CCNE1: variants seen among roughly 807,000 people sequenced by gnomAD.
CCNE1 encodes the protein cyclin E1.
In CCNE1, 8 loss-of-function variants were observed where a neutral mutation model predicts 54.1. The ratio of observed to expected loss-of-function variants is 0.15; its 90% CI spans 0.09 to 0.27. The LOEUF is 0.27. CCNE1 is among the 10% of genes least tolerant of loss of function. CCNE1 has a pLI of 1.00. For missense variants in CCNE1, 430 were observed against 514.9 expected (o/e 0.84, Z 1.60); for synonymous variants, 179 against 185.2 (o/e 0.97, Z 0.27).
intron 4 of CCNE1, among the ~76,000 whole-genome samples, chr19:29,813,689 G>T (rs555492131): frequency 7.5e-5 from 11 of 147,510 alleles, no homozygotes; most frequent in South Asian, 4.3e-4. Context: ...ATTTTTTTTT[G>T]ACTGCTTTTC....
chr19:29,818,067 C>T (rs1974068238), intron 6 of CCNE1, among the ~76,000 whole-genome samples: 1 of 146,320 alleles, frequency 6.8e-6, no homozygotes, highest in East Asian at 2.0e-4. Context: ...TGCTCTGTCA[C>T]CCAGGCTAGA....
At chr19:29,818,466 C>T (rs1309580566) in intron 6 of CCNE1, among the ~76,000 whole-genome samples, 2 of 152,034 alleles carry the variant, frequency 1.3e-5, no homozygotes, top group Non-Finnish European at 2.9e-5. Flanking sequence ...AGCTAAATTG[C>T]TTTTAAATGT....
intron 4 of CCNE1, 73 bp downstream of exon 4, chr19:29,813,110 T>A: frequency 1.5e-6 from 2 of 1,365,058 alleles, no homozygotes; most frequent in South Asian, 1.2e-5. Context: ...CATGCTGTCT[T>A]GTCTCTTGCT....
intron 4 of CCNE1, among the ~76,000 whole-genome samples, chr19:29,815,751 C>T (rs894321937): frequency 6.6e-6 from 1 of 151,404 alleles, no homozygotes; most frequent in African/African-American, 2.4e-5. Flanking sequence ...GCTTCAGCCT[C>T]CCGAGTAGTT....
intron 4 of CCNE1, among the ~76,000 whole-genome samples, chr19:29,815,988 C>G (rs894542761): frequency 1.3e-5 from 2 of 151,870 alleles, no homozygotes; most frequent in African/African-American, 4.8e-5. Context: ...AACCCCATCT[C>G]TACAAAAAAA....
Position 29,812,018 on chromosome 19 carries a change from G to C in CCNE1, c.-159G>C, listed in dbSNP as rs999225614. The stretch of plus-strand genomic sequence containing the variant: ...GAGCAGCCGGCGCGGCCGCCAGCGC[G>C]GTGTAGGGGGCAGGCGCGGATCCCG... On this transcript the variant is annotated 5_prime_UTR_variant, in exon 1 of 12. Coordinates refer to ENST00000262643, the MANE Select transcript of CCNE1 (RefSeq NM_001238.4). 6.8e-6 allele frequency: 1 copy of C among 147,384 alleles called. No homozygotes were observed. The highest frequency in any genetic ancestry group is 1.5e-5 in the Non-Finnish European group (1 of 65,980). The allele number at this position is 147,384 out of a possible 1,614,324, so 9.1% of individuals were successfully genotyped here.
At position 29,817,168 on chromosome 19, in the gene CCNE1, C is replaced by G. The variant is rs1974037388; in HGVS notation, c.212C>G (p.Pro71Arg). Residue 71 changes from proline to arginine, a missense_variant, in exon 5 of 12, where the codon CCC becomes CGC. By Grantham distance (103) the Pro-to-Arg change is moderately radical. Coordinates refer to ENST00000262643, the MANE Select transcript of CCNE1 (RefSeq NM_001238.4). ...GACAATAATGCAGTCTGTGCAGACC[C>G]CTGCTCCCTGATCCCCACACCTGAC... is the stretch of plus-strand genomic sequence containing the variant. ...PWDNNAVCAD[P>R]CSLIPTPDKE... 1 of 1,614,116 alleles carries G rather than the reference C, an allele frequency of 6.2e-7. No homozygotes were observed. The highest frequency in any genetic ancestry group is 8.5e-7 in the Non-Finnish European group (1 of 1,180,026).
intron 4 of CCNE1, among the ~76,000 whole-genome samples, chr19:29,814,949 A>G (rs902802005): frequency 2.0e-5 from 3 of 152,260 alleles, no homozygotes; most frequent in African/African-American, 7.2e-5. Flanking sequence ...ATGTAAGGAA[A>G]AAAGTGGTAT....
intron 6 of CCNE1, 141 bp from the exon 7 acceptor site, chr19:29,820,561 A>G: frequency 1.5e-6 from 1 of 662,418 alleles, no homozygotes; most frequent in Non-Finnish European, 2.6e-6. Flanking sequence ...AAAAAAACAA[A>G]AAAACAAAAA....
chr19:29,818,089 C>T (rs771921815), intron 6 of CCNE1, among the ~76,000 whole-genome samples: 22 of 147,142 alleles, frequency 1.5e-4, no homozygotes, highest in Non-Finnish European at 2.8e-4. Flanking sequence ...TGCAGTGGTG[C>T]GATCTCAGCT....
At chr19:29,820,991 C>T (rs1974134091) in intron 7 of CCNE1, 143 bp downstream of exon 7, 1 of 594,470 alleles carries the variant, frequency 1.7e-6, no homozygotes, top group Non-Finnish European at 2.9e-6. Context: ...AGACACATGC[C>T]AAAAAGAAAA....
At chr19:29,813,274 C>T (rs1452025799) in intron 4 of CCNE1, 1 of 555,522 alleles carries the variant, frequency 1.8e-6, no homozygotes, top group East Asian at 3.0e-5. Flanking sequence ...CAGATATGTG[C>T]CTAGCCTGGA....
In CCNE1 at chr19:29,822,400, A is replaced by G. The variant is rs1257870447; in HGVS notation, c.953-46A>G. 5 of 1,613,908 alleles carry G rather than the reference A, an allele frequency of 3.1e-6. No homozygotes were observed. In the African/African-American group the frequency reaches 6.7e-5, roughly 22 times the overall value. On this transcript the variant is annotated intron_variant, in intron 10 of 11. Transcript: ENST00000262643. The stretch of plus-strand genomic sequence containing the variant: ...CACAAACAAGGTGTACTAAGCTTAC[A>G]TCCAGTTGTCAGCCTCAGATTAAGC...
At chr19:29,822,671 C>T (rs1192102545) in intron 11 of CCNE1, 68 bp downstream of exon 11, 12 of 1,500,576 alleles carry the variant, frequency 8.0e-6, no homozygotes, top group East Asian at 2.3e-5. Context: ...AGGCCAGCCG[C>T]GGTGGTTCAG....
At chr19:29,812,620 C>G (rs555465146) in intron 2 of CCNE1, 42 bp downstream of exon 2, 1 of 1,543,466 alleles carries the variant, frequency 6.5e-7, no homozygotes. Context: ...CGGGACGGGA[C>G]GGGACGGGTG....
chr19:29,813,449 G>A (rs1973941238), intron 4 of CCNE1: 1 of 175,636 alleles, frequency 5.7e-6, no homozygotes, highest in Non-Finnish European at 1.2e-5. Context: ...AGGGTTCCTG[G>A]GTGTTTATAA....
rs771378452 is a variant in CCNE1 at position 29,823,812 on chromosome 19, G to A, written c.*35G>A. 5.7e-6 allele frequency: 9 copies of A among 1,581,068 alleles called. No individual in the cohort carries two copies. Among genetic ancestry groups the A allele is most frequent in the Admixed American group, 3.6e-5 (2 of 55,496 alleles). On this transcript the variant is annotated 3_prime_UTR_variant, in exon 12 of 12. Transcript: ENST00000262643. ...CCTTCTCCACCAAAGACAGTTGCGCGCCTGCTCCACGTTCTCTTCTGTCTG... is the reference window on the plus strand; with the variant it reads ...CCTTCTCCACCAAAGACAGTTGCGCACCTGCTCCACGTTCTCTTCTGTCTG...
chr19:29,817,457 A>G lies in CCNE1; in HGVS notation c.378A>G (p.Thr126=), dbSNP rs1281361689. The change falls in exon 6 of 12, where the codon ACA becomes ACG. Residue 126 remains threonine (T), a synonymous_variant. Transcript: ENST00000262643. ...VWKIMLNKEK[T]YLRDQHFLEQ... ...AAATCATGTTAAACAAGGAAAAGAC[A>G]TACTTAAGGGATCAGCACTTTCTTG... The G allele has an allele frequency of 4.3e-6, 7 of 1,614,176 alleles. No homozygotes were observed. Among genetic ancestry groups the G allele is most frequent in the East Asian group, 2.2e-5 (1 of 44,892 alleles).
At chr19:29,820,635 GTTT>G in intron 6 of CCNE1, 64 bp from the exon 7 acceptor site, 4 of 948,262 alleles carry the variant, frequency 4.2e-6, no homozygotes, top group Admixed American at 2.6e-5. Context: ...GTCATTACAA[GTTT>G]TTTTTTTTTC....
Sources: allele counts gnomAD v4.1 joint callset (sites outside exome capture counted in the v4.1 genomes callset), GRCh38; gene constraint gnomAD v4.1.1; transcripts MANE v1.5; gene names NCBI Gene and HGNC (gene_info 2026-07-23, HGNC 2026-07-21).